ATE1: variants seen among roughly 807,000 people sequenced by gnomAD.
ATE1 encodes arginyl-tRNA--protein transferase 1.
A neutral mutation model predicts 70.5 loss-of-function variants in ATE1; 36 were observed. The observed-to-expected ratio is 0.51, with a 90% CI of 0.39 to 0.67. The LOEUF is 0.67. Among genes scored for constraint, ATE1 ranks in the 30% least tolerant of loss-of-function variants. The probability of loss-of-function intolerance (pLI) is 0.00; values close to 1 mark genes in which losing one functional copy is unlikely to be tolerated. For missense variants in ATE1, 593 were observed against 629.5 expected (o/e 0.94, Z 0.62); for synonymous variants, 232 against 219.3 (o/e 1.06, Z -0.51).
intron 11 of ATE1, among the ~76,000 whole-genome samples, chr10:121,768,307 C>T (rs7920717): frequency 0.83 from 126,411 of 152,094 alleles, 52,886 homozygotes; most frequent in Non-Finnish European, 0.89. Context: ...TATTCCAATA[C>T]ACTAACAATA....
intron 11 of ATE1, among the ~76,000 whole-genome samples, chr10:121,770,349 CTAGGA>C (rs1241833647): frequency 2.7e-5 from 4 of 150,574 alleles, no homozygotes; most frequent in African/African-American, 7.3e-5. Flanking sequence ...AGAAAAATAT[CTAGGA>C]TATTTTTACT....
chr10:121,902,738 G>T (rs1951031685), intron 5 of ATE1, 118 bp from the exon 6 acceptor site: 1 of 1,035,594 alleles, frequency 9.7e-7, no homozygotes. Flanking sequence ...GCTAGCTTTG[G>T]GGTAGATGTT....
At chr10:121,885,849 G>A (rs1271231834) in intron 7 of ATE1, among the ~76,000 whole-genome samples, 2 of 152,224 alleles carry the variant, frequency 1.3e-5, no homozygotes, top group Middle Eastern at 3.4e-3. Context: ...GCAGTGAATC[G>A]AGATTGTGCC....
intron 7 of ATE1, among the ~76,000 whole-genome samples, chr10:121,874,895 CT>C (rs1949984429): frequency 6.6e-6 from 1 of 151,660 alleles, no homozygotes; most frequent in African/African-American, 2.4e-5. Flanking sequence ...AATCCTAGCA[CT>C]TTGGGAGGCC....
chr10:121,866,105 A>G (rs1201607500), intron 8 of ATE1, among the ~76,000 whole-genome samples: 1 of 152,246 alleles, frequency 6.6e-6, no homozygotes, highest in Non-Finnish European at 1.5e-5. Flanking sequence ...TGGCAAAATT[A>G]AACATTCAGA....
Position 121,754,119 on chromosome 10 carries a change from T to C in ATE1, c.1379-10261A>G, listed in dbSNP as rs191268837. ...AACCCATGACTTTTATACCCTGATA[T>C]AGACATACAGATACACAGGTAGATA... On this transcript the variant is annotated intron_variant, in intron 11 of 11. Coordinates refer to ENST00000224652, the MANE Select transcript of ATE1 (RefSeq NM_001001976.3). Among the ~76,000 whole-genome samples, 35 of 152,304 alleles carry C rather than the reference T, an allele frequency of 2.3e-4. No individual in the cohort carries two copies. In the East Asian group the frequency reaches 3.3e-3, roughly 14 times the overall value.
chr10:121,807,900 A>G (rs1478248655), intron 10 of ATE1, among the ~76,000 whole-genome samples: 3 of 152,210 alleles, frequency 2.0e-5, no homozygotes, highest in African/African-American at 7.2e-5. Context: ...ACTGGAACAC[A>G]GCTATGCCCA....
chr10:121,927,404 G>T (rs1285149787), intron 1 of ATE1: 4 of 984,290 alleles, frequency 4.1e-6, no homozygotes, highest in Non-Finnish European at 3.6e-6. Context: ...GTCCAGGGAA[G>T]TCTGATTCAT....
At chr10:121,766,765 T>C (rs1945296562) in intron 11 of ATE1, among the ~76,000 whole-genome samples, 1 of 152,096 alleles carries the variant, frequency 6.6e-6, no homozygotes, top group African/African-American at 2.4e-5. Flanking sequence ...AAGTGCCCTA[T>C]AAAGACTGAA....
At chr10:121,784,452 A>AAT (rs1232236059) in intron 11 of ATE1, among the ~76,000 whole-genome samples, 1 of 152,240 alleles carries the variant, frequency 6.6e-6, no homozygotes, top group Non-Finnish European at 1.5e-5. Context: ...TGTTTTCACT[A>AAT]AAAGATCACG....
At chr10:121,886,285 T>C (rs955427264) in intron 7 of ATE1, among the ~76,000 whole-genome samples, 3 of 137,466 alleles carry the variant, frequency 2.2e-5, no homozygotes, top group East Asian at 2.1e-4. Context: ...CAAAAATACA[T>C]TGATGATTTA....
chr10:121,791,744 A>T (rs953987232), intron 10 of ATE1, among the ~76,000 whole-genome samples: 3 of 152,206 alleles, frequency 2.0e-5, no homozygotes, highest in African/African-American at 7.2e-5. Flanking sequence ...TTTAGTATAC[A>T]ATGCTTACCG....
At chr10:121,791,109 T>TTTTTTGAGATAGA (rs1946438265) in intron 10 of ATE1, among the ~76,000 whole-genome samples, 2 of 144,822 alleles carry the variant, frequency 1.4e-5, no homozygotes, top group African/African-American at 2.6e-5. Context: ...TTTTTTTTTT[T>TTTTTTGAGATAGA]TTGAGATAGA....
rs181699007 is a variant in ATE1, at chr10:121,750,867, C to T, written c.1379-7009G>A. Among the ~76,000 whole-genome samples, 180 of 152,172 alleles carry T rather than the reference C, an allele frequency of 1.2e-3. 1 individual carries two copies. Among genetic ancestry groups the T allele is most frequent in the Admixed American group, 5.0e-3 (77 of 15,300 alleles). On this transcript the variant is annotated intron_variant, in intron 11 of 11. Transcript: ENST00000224652. ...AAAATTTTCCACAAATGAATGACAGCGGAAGAAATACTCTACAAAAACGCA... is the reference window on the plus strand; with the variant it reads ...AAAATTTTCCACAAATGAATGACAGTGGAAGAAATACTCTACAAAAACGCA...
intron 10 of ATE1, among the ~76,000 whole-genome samples, chr10:121,832,944 A>ATCAG (rs1948301052): frequency 6.6e-6 from 1 of 152,206 alleles, no homozygotes; most frequent in Non-Finnish European, 1.5e-5. Context: ...GATGTCATTT[A>ATCAG]TCAGTATACA....
At chr10:121,752,625 G>C (rs1453855134) in intron 11 of ATE1, among the ~76,000 whole-genome samples, 2 of 152,036 alleles carry the variant, frequency 1.3e-5, no homozygotes, top group African/African-American at 4.8e-5. Context: ...TCATTTTTTT[G>C]AAAGATGCAG....
Position 121,927,830 on chromosome 10 carries a change from C to A in ATE1, c.106+14G>T. On this transcript the variant is annotated intron_variant, in intron 1 of 11. Transcript: ENST00000224652. ...GCGCCCGGCTTCCCACGCCCGCCGG[C>A]CCGGCTCGCTCACCATTGGAGCGGC... is the stretch of plus-strand genomic sequence containing the variant. 1 of 1,554,514 alleles carries A rather than the reference C, an allele frequency of 6.4e-7. No homozygotes were observed. Among genetic ancestry groups the A allele is most frequent in the Non-Finnish European group, 8.7e-7 (1 of 1,152,566 alleles).
intron 5 of ATE1, among the ~76,000 whole-genome samples, chr10:121,904,337 T>G (rs1590684997): frequency 6.6e-6 from 1 of 151,176 alleles, no homozygotes; most frequent in South Asian, 2.1e-4. Flanking sequence ...ATTAAAGAAA[T>G]AAGGTGTTTA....
intron 11 of ATE1, among the ~76,000 whole-genome samples, chr10:121,754,503 T>G (rs1038476311): frequency 8.5e-5 from 13 of 152,306 alleles, no homozygotes; most frequent in African/African-American, 3.1e-4. Context: ...ACACATTGAT[T>G]AGAATGAGAT....
Sources: allele counts gnomAD v4.1 joint callset (sites outside exome capture counted in the v4.1 genomes callset), GRCh38; gene constraint gnomAD v4.1.1; transcripts MANE v1.5; gene names NCBI Gene and HGNC (gene_info 2026-07-23, HGNC 2026-07-21).